PCDHGB6: variants seen among roughly 807,000 people sequenced by gnomAD.
PCDHGB6 encodes protocadherin gamma-B6.
A neutral mutation model predicts 59.1 loss-of-function variants in PCDHGB6; 51 were observed. The ratio of observed to expected loss-of-function variants is 0.86; its 90% CI spans 0.69 to 1.09. PCDHGB6 has a LOEUF of 1.09. Among genes scored for constraint, PCDHGB6 ranks in the 50% least tolerant of loss-of-function variants. The pLI, the probability that PCDHGB6 is intolerant of heterozygous loss-of-function variation, is 0.00. For missense variants in PCDHGB6, 1,148 were observed against 1,205.1 expected (o/e 0.95, Z 0.70); for synonymous variants, 466 against 495.1 (o/e 0.94, Z 0.78).
chr5:141,412,952 T>C, intron 1 of PCDHGB6: 1 of 482,218 alleles, frequency 2.1e-6, no homozygotes, highest in Non-Finnish European at 3.6e-6. Context: ...AGCGCCGCTG[T>C]TCACCTACTA....
rs751047365 is a variant in PCDHGB6 at position 141,419,570 on chromosome 5, G to C, written c.2418+8950G>C. On this transcript the variant is annotated intron_variant, in intron 1 of 3. Transcript: ENST00000520790. ...GCTGTACCCTGCGCTGGGTCCCGAC[G>C]GCTCCGCGCTCTTCGACACAGTGCC... 5.6e-6 allele frequency: 9 copies of C among 1,611,766 alleles called. No individual in the cohort carries two copies. The South Asian group carries it at 8.8e-5, about 16-fold the overall frequency.
At chr5:141,482,530 CAAAAAAAAA>C (rs3074545) in intron 1 of PCDHGB6, among the ~76,000 whole-genome samples, 16 of 76,560 alleles carry the variant, frequency 2.1e-4, no homozygotes, top group African/African-American at 7.7e-4. Context: ...GACAGACATG[CAAAAAAAAA>C]AAAAAAAAAA....
rs1212833348 is a variant in PCDHGB6 at position 141,431,379 on chromosome 5, C to T, written c.2418+20759C>T. On this transcript the variant is annotated intron_variant, in intron 1 of 3. Transcript: ENST00000520790. The surrounding 1 kb of genome is among the most constrained non-coding windows in gnomAD (Gnocchi z 4.8). ...GCCCTGGACCGCGAAGAAAAGGCTG[C>T]TCACCACCTGGTCCTTACGGCCTCC... is the stretch of plus-strand genomic sequence containing the variant. 3 of 1,613,946 alleles carry T rather than the reference C, an allele frequency of 1.9e-6. No individual in the cohort carries two copies. Among genetic ancestry groups the T allele is most frequent in the Non-Finnish European group, 2.5e-6 (3 of 1,180,020 alleles).
At chr5:141,499,648 CAT>C (rs1434824310) in intron 2 of PCDHGB6, among the ~76,000 whole-genome samples, 2 of 148,784 alleles carry the variant, frequency 1.3e-5, no homozygotes, top group Admixed American at 6.7e-5. Flanking sequence ...TCTCAGACAT[CAT>C]ATAATTTCAT....
intron 1 of PCDHGB6, chr5:141,418,471 G>A (rs199547102): frequency 1.9e-6 from 3 of 1,614,002 alleles, no homozygotes; most frequent in South Asian, 2.2e-5. Flanking sequence ...ACCGAGAAAC[G>A]CAGAGCGCTC....
rs1280923293 is a variant in PCDHGB6 at position 141,478,837 on chromosome 5, G to A, written c.2419-15970G>A. ...AACTAACCAATCTTGCTAAGGGATG[G>A]TTAAGCTAAAACACAAGATCTCAGC... is the stretch of plus-strand genomic sequence containing the variant. On this transcript the variant is annotated intron_variant, in intron 1 of 3. Transcript: ENST00000520790. 3.5e-6 allele frequency: 5 copies of A among 1,428,112 alleles called. No homozygotes were observed. The African/African-American group carries it at 5.8e-5, about 16-fold the overall frequency. The allele number at this position is 1,428,112 out of a possible 1,614,324, so 88.5% of individuals were successfully genotyped here.
At chr5:141,435,510 T>C (rs72790047) in intron 1 of PCDHGB6, among the ~76,000 whole-genome samples, 9,714 of 152,280 alleles carry the variant, frequency 0.064, 363 homozygotes, top group African/African-American at 0.099. Context: ...ATGATACTAA[T>C]GATGACTTTG....
Position 141,419,399 on chromosome 5 carries a change from G to C in PCDHGB6, c.2418+8779G>C, listed in dbSNP as rs893535249. On this transcript the variant is annotated intron_variant, in intron 1 of 3. Coordinates refer to ENST00000520790, the MANE Select transcript of PCDHGB6 (RefSeq NM_018926.3). ...GTCCGTGAGCGCGCAGAGCGGGGTG[G>C]TGTTCGCGCAGCGCGCCTTCGACCA... 1.7e-5 allele frequency: 28 copies of C among 1,613,470 alleles called. No individual in the cohort carries two copies. Among genetic ancestry groups the C allele is most frequent in the Admixed American group, 1.7e-5 (1 of 60,014 alleles).
chr5:141,496,959 G>C (rs1451127360), intron 2 of PCDHGB6, among the ~76,000 whole-genome samples: 2 of 151,894 alleles, frequency 1.3e-5, no homozygotes, highest in Non-Finnish European at 2.9e-5. Flanking sequence ...GCCAAGGTGG[G>C]TAGATCACTT....
rs769467027 is a variant in PCDHGB6, at chr5:141,477,255, A to G, written c.2419-17552A>G. On this transcript the variant is annotated intron_variant, in intron 1 of 3. Transcript: ENST00000520790. This position sits in a 1 kb window ranked among gnomAD's most constrained non-coding sequence, Gnocchi z 4.9. ...GCTTTGCTCAGTGTGACTGACCTGGATGCTGGCGAGAACGGGCTGGTGACC... is the reference window on the plus strand; with the variant it reads ...GCTTTGCTCAGTGTGACTGACCTGGGTGCTGGCGAGAACGGGCTGGTGACC... 1 of 1,614,146 alleles carries G rather than the reference A, an allele frequency of 6.2e-7. No individual in the cohort carries two copies. Among genetic ancestry groups the G allele is most frequent in the East Asian group, 2.2e-5 (1 of 44,874 alleles).
In PCDHGB6 at chr5:141,408,336, C is replaced by T; in HGVS notation, c.134C>T (p.Ser45Leu). ...ATTCCGGAGGAGCTGGCCAAGGGCT[C>T]GGTGGTGGGGAACCTCGCTAAGGAT... ...YSIPEELAKGSVVGNLAKDLG... is the reference protein window; with the variant it reads ...YSIPEELAKGLVVGNLAKDLG... The change falls in exon 1 of 4, where the codon TCG becomes TTG. Residue 45 changes from serine (S) to leucine (L), a missense_variant. By Grantham distance (145) the Ser-to-Leu change is moderately radical. Coordinates refer to ENST00000520790, the MANE Select transcript of PCDHGB6 (RefSeq NM_018926.3). The T allele has an allele frequency of 6.2e-7, 1 of 1,613,910 alleles. No homozygotes were observed. The highest frequency in any genetic ancestry group is 8.5e-7 in the Non-Finnish European group (1 of 1,179,786).
intron 1 of PCDHGB6, chr5:141,441,578 C>T (rs889509502): frequency 2.9e-5 from 6 of 207,738 alleles, no homozygotes; most frequent in Non-Finnish European, 5.9e-5. Flanking sequence ...CCAACCTAGA[C>T]TTGGGACCCA....
At chr5:141,450,460 TTATA>T (rs1234300844) in intron 1 of PCDHGB6, among the ~76,000 whole-genome samples, 1 of 152,104 alleles carries the variant, frequency 6.6e-6, no homozygotes, top group Non-Finnish European at 1.5e-5. Flanking sequence ...CCTCGTGATT[TTATA>T]TATAGAGTTT....
intron 1 of PCDHGB6, among the ~76,000 whole-genome samples, chr5:141,464,921 G>A (rs1562002597): frequency 6.6e-6 from 1 of 151,106 alleles, no homozygotes; most frequent in Non-Finnish European, 1.5e-5. Flanking sequence ...TTATTTTTTT[G>A]TAGAGATGTG....
At chr5:141,481,618 G>C (rs1339565594) in intron 1 of PCDHGB6, among the ~76,000 whole-genome samples, 1 of 152,142 alleles carries the variant, frequency 6.6e-6, no homozygotes, top group African/African-American at 2.4e-5. Context: ...AGGAGTTCAA[G>C]ACCGGCCTGG....
Position 141,510,982 on chromosome 5 carries a change from G to A in PCDHGB6, c.2602G>A (p.Ala868Thr). The A allele has an allele frequency of 3.1e-6, 5 of 1,614,166 alleles. No homozygotes were observed. Among genetic ancestry groups the A allele is most frequent in the Non-Finnish European group, 3.4e-6 (4 of 1,180,018 alleles). Reference protein sequence around the residue: ...ADGSSTLGGGAGTMGLSARYG... With the variant: ...ADGSSTLGGGTGTMGLSARYG... Reference sequence around the variant, plus strand: ...TGGGAGCTCCACCCTGGGAGGGGGTGCCGGCACCATGGGATTGAGCGCCCG... The same window carrying A: ...TGGGAGCTCCACCCTGGGAGGGGGTACCGGCACCATGGGATTGAGCGCCCG... The change falls in exon 4 of 4, where the codon GCC (alanine) becomes ACC (threonine). Residue 868 changes from alanine to threonine, a missense_variant. Around this residue, in one of 5 missense-constraint regions of PCDHGB6, gnomAD observed 283 missense variants for 318.6 expected, o/e 0.89. Coordinates refer to ENST00000520790, the MANE Select transcript of PCDHGB6 (RefSeq NM_018926.3).
chr5:141,448,044 C>T (rs2098559539), intron 1 of PCDHGB6, among the ~76,000 whole-genome samples: 1 of 151,942 alleles, frequency 6.6e-6, no homozygotes, highest in African/African-American at 2.4e-5. Context: ...CAAGATCATG[C>T]CATTGCTCTC....
At position 141,409,345 on chromosome 5, in the gene PCDHGB6, A is replaced by G. The variant is rs1012428329; in HGVS notation, c.1143A>G (p.Glu381=). ...ATCTGGATTTCGGAGGAAATGGAGA[A>G]GTCAGGTGTAATATAGAAACAGACA... The part of the protein sequence containing the change: ...TRDLDFGGNG[E]VRCNIETDIP... Residue 381 remains glutamate (E), a synonymous_variant, in exon 1 of 4, where the codon GAA becomes GAG. Coordinates refer to ENST00000520790, the MANE Select transcript of PCDHGB6 (RefSeq NM_018926.3). The G allele has an allele frequency of 6.2e-7, 1 of 1,614,020 alleles. No homozygotes were observed. Among genetic ancestry groups the G allele is most frequent in the Non-Finnish European group, 8.5e-7 (1 of 1,179,902 alleles).
chr5:141,446,191 T>C (rs2098492956), intron 1 of PCDHGB6, among the ~76,000 whole-genome samples: 1 of 152,206 alleles, frequency 6.6e-6, no homozygotes, highest in Non-Finnish European at 1.5e-5. Flanking sequence ...TGTTTATTAT[T>C]ATATTCCTAG....
Sources: gnomAD v4.1 joint callset for allele counts (sites outside exome capture counted in the v4.1 genomes callset) on GRCh38, gnomAD v4.1.1 for gene constraint, gnomAD v4.1.1 regional missense constraint, Gnocchi (gnomAD v3.1) non-coding constraint, MANE v1.5 for transcripts, NCBI Gene and HGNC (gene_info 2026-07-23, HGNC 2026-07-21) for gene names.